NET1: variants seen among roughly 807,000 people sequenced by gnomAD.
NET1 encodes neuroepithelial cell-transforming gene 1 protein.
A neutral mutation model predicts 61.1 loss-of-function variants in NET1; 42 were observed. The observed-to-expected ratio is 0.69, with a 90% CI of 0.54 to 0.89. NET1 has a LOEUF of 0.89. Ranked by LOEUF, NET1 falls within the 40% of genes least tolerant of loss-of-function variation. The probability of loss-of-function intolerance (pLI) is 0.00; values close to 1 mark genes in which losing one functional copy is unlikely to be tolerated. For synonymous variants in NET1, 254 were observed against 281.8 expected (o/e 0.90, Z 0.99); for missense variants, 654 against 747.3 (o/e 0.88, Z 1.46).
chr10:5,451,958 G>C lies in NET1; in HGVS notation c.363+21G>C. 1.3e-6 allele frequency: 2 copies of C among 1,574,784 alleles called. No homozygotes were observed. The highest frequency in any genetic ancestry group is 1.7e-4 in the Middle Eastern group (1 of 5,992). Reference sequence around the variant, plus strand: ...TACAGGTAAAAAGAGAGGAGGAAGAGTAATGTAGTCAGCGGACTTTATAGA... The same window carrying C: ...TACAGGTAAAAAGAGAGGAGGAAGACTAATGTAGTCAGCGGACTTTATAGA... On this transcript the variant is annotated intron_variant, in intron 4 of 11. Transcript: ENST00000355029. This position sits in a 1 kb window ranked among gnomAD's most constrained non-coding sequence, Gnocchi z 6.1.
In NET1 at chr10:5,453,582, CCAGATA is replaced by C; in HGVS notation, c.768+26_768+31del. The stretch of plus-strand genomic sequence containing the variant: ...CTGGGTATGTAGTGAGTTGTTGACC[CCAGATA>C]CAGTTTCTTACAGATGTGCCATGTT... On this transcript the variant is annotated intron_variant, in intron 8 of 11. Coordinates refer to ENST00000355029, the MANE Select transcript of NET1 (RefSeq NM_001047160.3). The surrounding 1 kb of genome is among the most constrained non-coding windows in gnomAD (Gnocchi z 4.9). 6.2e-7 allele frequency: 1 copy of C among 1,603,168 alleles called. No homozygotes were observed. The highest frequency in any genetic ancestry group is 8.5e-7 in the Non-Finnish European group (1 of 1,170,196).
intron 3 of NET1, among the ~76,000 whole-genome samples, chr10:5,434,151 G>A (rs1832389396): frequency 6.6e-6 from 1 of 152,194 alleles, no homozygotes; most frequent in Non-Finnish European, 1.5e-5. Context: ...TGTATGGTGA[G>A]AGGAATAGGC....
intron 3 of NET1, among the ~76,000 whole-genome samples, chr10:5,429,473 C>T (rs1026279134): frequency 3.3e-5 from 5 of 152,096 alleles, no homozygotes; most frequent in African/African-American, 9.7e-5. Context: ...TGATCACAAA[C>T]ACAAATGCTA....
At chr10:5,445,883 T>C (rs1051851360) in intron 3 of NET1, among the ~76,000 whole-genome samples, 2 of 152,206 alleles carry the variant, frequency 1.3e-5, no homozygotes, top group Admixed American at 6.5e-5. Context: ...TATACACTTA[T>C]ATATAATATA....
In NET1 at chr10:5,454,003, C is replaced by G. The variant is rs1425818098; in HGVS notation, c.769-262C>G. 6.6e-6 allele frequency among the ~76,000 whole-genome samples: 1 copy of G among 152,146 alleles called. No homozygotes were observed. ...GGAGGACACTCAAGTGTCCTGGGAG[C>G]ACAGACTGCCAGTGTCTGAGGTTGG... On this transcript the variant is annotated intron_variant, in intron 8 of 11. Transcript: ENST00000355029. The surrounding 1 kb of genome is among the most constrained non-coding windows in gnomAD (Gnocchi z 8.1).
At position 5,417,141 on chromosome 10, in the gene NET1, C is replaced by A. The variant is rs575516794; in HGVS notation, c.128+4321C>A. On this transcript the variant is annotated intron_variant, in intron 1 of 11. Coordinates refer to ENST00000355029, the MANE Select transcript of NET1 (RefSeq NM_001047160.3). The surrounding 1 kb of genome is among the most constrained non-coding windows in gnomAD (Gnocchi z 5.5). ...CCTGGCCAAGCTCTGCGTCATTCTG[C>A]GAATCGATGGCCTGCCAGCTGGCCT... Among the ~76,000 whole-genome samples the A allele has an allele frequency of 6.6e-6, 1 of 152,326 alleles. No homozygotes were observed. Among genetic ancestry groups the A allele is most frequent in the South Asian group, 2.1e-4 (1 of 4,824 alleles).
rs1048518047 is a variant in NET1 at position 5,421,317 on chromosome 10, A to G, written c.129-5338A>G. Among the ~76,000 whole-genome samples the G allele has an allele frequency of 1.3e-5, 2 of 152,258 alleles. No individual in the cohort carries two copies. The highest frequency in any genetic ancestry group is 2.9e-5 in the Non-Finnish European group (2 of 68,038). On this transcript the variant is annotated intron_variant, in intron 1 of 11. Coordinates refer to ENST00000355029, the MANE Select transcript of NET1 (RefSeq NM_001047160.3). The surrounding 1 kb of genome is among the most constrained non-coding windows in gnomAD (Gnocchi z 4.2). Reference sequence around the variant, plus strand: ...TTTACATATCACCCATATGGCAGAAATATAAATACATACTGATCCTTTTAA... The same window carrying G: ...TTTACATATCACCCATATGGCAGAAGTATAAATACATACTGATCCTTTTAA...
rs1425919073 is a variant in NET1, at chr10:5,443,445, T to TCACCACC, written c.256-8385_256-8384insCACCACC. On this transcript the variant is annotated intron_variant, in intron 3 of 11. Coordinates refer to ENST00000355029, the MANE Select transcript of NET1 (RefSeq NM_001047160.3). This position sits in a 1 kb window ranked among gnomAD's most constrained non-coding sequence, Gnocchi z 4.8. ...TAGCACAAAGTAAGACCTTAAATTT[T>TCACCACC]TCTTCTATTTTTCACCACCACCCAT... 6.6e-6 allele frequency among the ~76,000 whole-genome samples: 1 copy of TCACCACC among 152,184 alleles called. No homozygotes were observed. Among genetic ancestry groups the TCACCACC allele is most frequent in the Non-Finnish European group, 1.5e-5 (1 of 68,026 alleles).
At chr10:5,434,649 T>G (rs1053144509) in intron 3 of NET1, among the ~76,000 whole-genome samples, 1 of 152,098 alleles carries the variant, frequency 6.6e-6, no homozygotes, top group Non-Finnish European at 1.5e-5. Context: ...ATTTTGAGGT[T>G]TAAGGGGAAT....
intron 1 of NET1, among the ~76,000 whole-genome samples, chr10:5,418,892 G>C (rs1832122981): frequency 6.6e-6 from 1 of 152,080 alleles, no homozygotes; most frequent in Non-Finnish European, 1.5e-5. Context: ...CTCAAATTCT[G>C]ATTTCTTTTT....
In NET1 at chr10:5,443,816, T is replaced by C. The variant is rs1832562118; in HGVS notation, c.256-8014T>C. On this transcript the variant is annotated intron_variant, in intron 3 of 11. Transcript: ENST00000355029. The surrounding 1 kb of genome is among the most constrained non-coding windows in gnomAD (Gnocchi z 4.8). ...AGAGAATGAAAGATACCCCTTCTCA[T>C]TATCTTGGCTCATTTCTGTTGGAAC... Among the ~76,000 whole-genome samples, 1 of 152,212 alleles carries C rather than the reference T, an allele frequency of 6.6e-6. No individual in the cohort carries two copies. The highest frequency in any genetic ancestry group is 6.5e-5 in the Admixed American group (1 of 15,280).
Position 5,422,622 on chromosome 10 carries a change from G to T in NET1, c.129-4033G>T, listed in dbSNP as rs1043529569. On this transcript the variant is annotated intron_variant, in intron 1 of 11. Transcript: ENST00000355029. The surrounding 1 kb of genome is among the most constrained non-coding windows in gnomAD (Gnocchi z 4.1). ...ACATTAGGATGTCTGGGGTGCTTTG[G>T]GGGTGGTGTTTGCTGGTTTCTAGAT... Among the ~76,000 whole-genome samples, 1 of 152,130 alleles carries T rather than the reference G, an allele frequency of 6.6e-6. No individual in the cohort carries two copies. Among genetic ancestry groups the T allele is most frequent in the African/African-American group, 2.4e-5 (1 of 41,402 alleles).
Position 5,451,634 on chromosome 10 carries a change from C to G in NET1, c.256-196C>G, listed in dbSNP as rs1832705314. The stretch of plus-strand genomic sequence containing the variant: ...AAATATTTGACTGGCCTTTCTTACA[C>G]ACTTATTTTTTGAAAAGTTACTGCT... On this transcript the variant is annotated intron_variant, in intron 3 of 11. Transcript: ENST00000355029. This position sits in a 1 kb window ranked among gnomAD's most constrained non-coding sequence, Gnocchi z 6.1. Among the ~76,000 whole-genome samples, 1 of 151,958 alleles carries G rather than the reference C, an allele frequency of 6.6e-6. No individual in the cohort carries two copies. Among genetic ancestry groups the G allele is most frequent in the South Asian group, 2.1e-4 (1 of 4,822 alleles).
Position 5,435,975 on chromosome 10 carries a change from G to C in NET1, c.255+6746G>C, listed in dbSNP as rs191036180. On this transcript the variant is annotated intron_variant, in intron 3 of 11. Coordinates refer to ENST00000355029, the MANE Select transcript of NET1 (RefSeq NM_001047160.3). This position sits in a 1 kb window ranked among gnomAD's most constrained non-coding sequence, Gnocchi z 5.0. Reference sequence around the variant, plus strand: ...AGAGTCAAAAGTGACTGTTGACTTTGTTAATGTGAAATAACACTGGCATGA... The same window carrying C: ...AGAGTCAAAAGTGACTGTTGACTTTCTTAATGTGAAATAACACTGGCATGA... Among the ~76,000 whole-genome samples, 2 of 151,746 alleles carry C rather than the reference G, an allele frequency of 1.3e-5. No homozygotes were observed. The highest frequency in any genetic ancestry group is 2.9e-5 in the Non-Finnish European group (2 of 67,912).
At chr10:5,428,603 TAAG>T (rs1832297916) in intron 2 of NET1, among the ~76,000 whole-genome samples, 1 of 152,014 alleles carries the variant, frequency 6.6e-6, no homozygotes, top group Admixed American at 6.6e-5. Context: ...CTGAAAAACT[TAAG>T]TAGTATTTTA....
chr10:5,455,213 C>A lies in NET1; in HGVS notation c.1197+95C>A. 1 of 1,201,252 alleles carries A rather than the reference C, an allele frequency of 8.3e-7. No homozygotes were observed. The highest frequency in any genetic ancestry group is 1.2e-6 in the Non-Finnish European group (1 of 841,142). The allele number at this position is 1,201,252 out of a possible 1,614,324, so 74.4% of individuals were successfully genotyped here. A position where few individuals can be genotyped will look rare whatever the true frequency, so the allele number is the denominator to read the frequency against. ...TGAAGCAGGCTTGTAAAGGGAAAGTCATGACATAGTAAAAGAAGGTTGCCA... is the reference window on the plus strand; with the variant it reads ...TGAAGCAGGCTTGTAAAGGGAAAGTAATGACATAGTAAAAGAAGGTTGCCA... On this transcript the variant is annotated intron_variant, in intron 10 of 11. Coordinates refer to ENST00000355029, the MANE Select transcript of NET1 (RefSeq NM_001047160.3). This position sits in a 1 kb window ranked among gnomAD's most constrained non-coding sequence, Gnocchi z 6.5.
At position 5,447,052 on chromosome 10, in the gene NET1, C is replaced by T. The variant is rs1832627077; in HGVS notation, c.256-4778C>T. Reference sequence around the variant, plus strand: ...CTAAGTTTAAATAGTTTATACATAGCATAGCTTGAGTGTACACAGCTTTTA... The same window carrying T: ...CTAAGTTTAAATAGTTTATACATAGTATAGCTTGAGTGTACACAGCTTTTA... On this transcript the variant is annotated intron_variant, in intron 3 of 11. Coordinates refer to ENST00000355029, the MANE Select transcript of NET1 (RefSeq NM_001047160.3). The surrounding 1 kb of genome is among the most constrained non-coding windows in gnomAD (Gnocchi z 4.1). Among the ~76,000 whole-genome samples, 1 of 152,200 alleles carries T rather than the reference C, an allele frequency of 6.6e-6. No homozygotes were observed. The highest frequency in any genetic ancestry group is 2.1e-4 in the South Asian group (1 of 4,834).
chr10:5,450,276 C>G (rs1423648174), intron 3 of NET1, among the ~76,000 whole-genome samples: 1 of 152,208 alleles, frequency 6.6e-6, no homozygotes, highest in Non-Finnish European at 1.5e-5. Flanking sequence ...TCATTATCTA[C>G]CAAGTTTCCT....
At position 5,435,065 on chromosome 10, in the gene NET1, A is replaced by C. The variant is rs1832406961; in HGVS notation, c.255+5836A>C. Among the ~76,000 whole-genome samples, 1 of 152,168 alleles carries C rather than the reference A, an allele frequency of 6.6e-6. No individual in the cohort carries two copies. Among genetic ancestry groups the C allele is most frequent in the Non-Finnish European group, 1.5e-5 (1 of 68,026 alleles). ...CCCAGTAGCATTAAGCTGTATTTATACTTTGAAAATAATGATTGGCTAAAA... is the reference window on the plus strand; with the variant it reads ...CCCAGTAGCATTAAGCTGTATTTATCCTTTGAAAATAATGATTGGCTAAAA... On this transcript the variant is annotated intron_variant, in intron 3 of 11. Coordinates refer to ENST00000355029, the MANE Select transcript of NET1 (RefSeq NM_001047160.3). The surrounding 1 kb of genome is among the most constrained non-coding windows in gnomAD (Gnocchi z 5.0).
Sources: allele counts gnomAD v4.1 joint callset (sites outside exome capture counted in the v4.1 genomes callset), GRCh38; gene constraint gnomAD v4.1.1; non-coding constraint Gnocchi (gnomAD v3.1); transcripts MANE v1.5; gene names NCBI Gene and HGNC (gene_info 2026-07-23, HGNC 2026-07-21).